Variants in MACC1 observed in about 807,000 individuals in gnomAD.
The protein encoded by MACC1 is MET transcriptional regulator MACC1, also known as metastasis-associated in colon cancer protein 1.
MACC1 carries 79 observed loss-of-function variants against 70.7 expected under a neutral mutation model. That is an observed-to-expected ratio of 1.12 (90% confidence interval 0.93 to 1.35). The LOEUF (loss-of-function observed/expected upper bound fraction) is 1.35, where lower values mean the gene tolerates loss of function less well. Among genes scored for constraint, MACC1 ranks in the 40% most tolerant of loss-of-function variants. MACC1 has a pLI of 0.00. For missense variants in MACC1, 1,106 were observed against 978.1 expected (o/e 1.13, Z -1.74); for synonymous variants, 361 against 347.2 (o/e 1.04, Z -0.44).
chr7:20,217,080 A>C (rs1319564426), intron 1 of MACC1, among the ~76,000 whole-genome samples: 2 of 152,142 alleles, frequency 1.3e-5, no homozygotes, highest in African/African-American at 2.4e-5. Flanking sequence ...CTTTATTCTA[A>C]ACCATGTCTC....
intron 1 of MACC1, among the ~76,000 whole-genome samples, chr7:20,181,542 C>G (rs1285744999): frequency 1.3e-5 from 2 of 152,030 alleles, no homozygotes; most frequent in Admixed American, 1.3e-4. Flanking sequence ...CTATGATTAT[C>G]TCAATGCATT....
chr7:20,188,616 T>A (rs555439685), intron 1 of MACC1, among the ~76,000 whole-genome samples: 2 of 152,216 alleles, frequency 1.3e-5, no homozygotes, highest in South Asian at 4.1e-4. Context: ...ACACACAAAG[T>A]ACTTTCTCCC....
chr7:20,192,938 C>G (rs1782694735), intron 1 of MACC1, among the ~76,000 whole-genome samples: 2 of 152,182 alleles, frequency 1.3e-5, no homozygotes, highest in South Asian at 2.1e-4. Context: ...ACCAAGTGAT[C>G]TTATGGCTCC....
chr7:20,150,792 A>C (rs532508602), intron 6 of MACC1, among the ~76,000 whole-genome samples: 1 of 152,306 alleles, frequency 6.6e-6, no homozygotes, highest in Admixed American at 6.5e-5. Flanking sequence ...CACACCTGTA[A>C]TGCCAGCAAT....
chr7:20,190,850 C>A (rs1782662004), intron 1 of MACC1, among the ~76,000 whole-genome samples: 1 of 152,218 alleles, frequency 6.6e-6, no homozygotes, highest in Non-Finnish European at 1.5e-5. Context: ...AAGTATCACT[C>A]CCAAGAATGT....
At chr7:20,174,422 T>C (rs1171356862) in intron 1 of MACC1, among the ~76,000 whole-genome samples, 2 of 152,188 alleles carry the variant, frequency 1.3e-5, no homozygotes, top group African/African-American at 4.8e-5. Flanking sequence ...CTAAATTTCA[T>C]GGCCCCAGCA....
At chr7:20,202,777 T>G (rs186638365) in intron 1 of MACC1, among the ~76,000 whole-genome samples, 1 of 152,304 alleles carries the variant, frequency 6.6e-6, no homozygotes, top group Admixed American at 6.5e-5. Context: ...AATCGTTAAT[T>G]TTCATCAATT....
intron 1 of MACC1, among the ~76,000 whole-genome samples, chr7:20,210,072 A>C (rs1782973921): frequency 6.6e-6 from 1 of 152,176 alleles, no homozygotes. Flanking sequence ...TTCTTTATAA[A>C]TTACCCAGTC....
intron 1 of MACC1, among the ~76,000 whole-genome samples, chr7:20,171,250 A>C (rs568543879): frequency 3.3e-4 from 38 of 114,870 alleles, no homozygotes; most frequent in South Asian, 1.2e-3. Context: ...AGATTATTTT[A>C]TTTTCTTTTT....
intron 1 of MACC1, 133 bp from the exon 2 acceptor site, chr7:20,170,911 C>T (rs1458044426): frequency 6.6e-6 from 1 of 152,236 alleles, no homozygotes; most frequent in Non-Finnish European, 1.5e-5. Flanking sequence ...AAGAGAGACT[C>T]ATTACACCAC....
Position 20,215,686 on chromosome 7 carries a change from T to C in MACC1, c.-218+1613A>G, listed in dbSNP as rs535384294. Among the ~76,000 whole-genome samples the C allele has an allele frequency of 4.7e-4, 72 of 152,334 alleles. 1 individual carries two copies. The highest frequency in any genetic ancestry group is 1.7e-3 in the African/African-American group (70 of 41,568). ...CTTAATAGACACCTAGGCATATGTG[T>C]GGTCTTTCAAGAAAGAATTCTCTAA... On this transcript the variant is annotated intron_variant, in intron 1 of 6. Transcript: ENST00000400331.
At chr7:20,172,937 G>A (rs1782331969) in intron 1 of MACC1, among the ~76,000 whole-genome samples, 1 of 152,166 alleles carries the variant, frequency 6.6e-6, no homozygotes, top group Non-Finnish European at 1.5e-5. Flanking sequence ...AGCACCACCT[G>A]GTGCCAGGTT....
intron 1 of MACC1, among the ~76,000 whole-genome samples, chr7:20,180,921 T>C (rs1782494548): frequency 6.6e-6 from 1 of 152,142 alleles, no homozygotes; most frequent in Admixed American, 6.6e-5. Context: ...CAAATGTTTA[T>C]GAAATATGTA....
intron 1 of MACC1, among the ~76,000 whole-genome samples, chr7:20,199,878 A>G (rs1782807686): frequency 6.6e-6 from 1 of 152,222 alleles, no homozygotes; most frequent in Non-Finnish European, 1.5e-5. Context: ...TATAAAATGA[A>G]TCAATCAGAA....
At chr7:20,167,122 C>T (rs530204941) in intron 2 of MACC1, among the ~76,000 whole-genome samples, 29 of 152,108 alleles carry the variant, frequency 1.9e-4, no homozygotes, top group Non-Finnish European at 3.2e-4. Flanking sequence ...TGGTATCATG[C>T]ATGGCTTTTC....
At chr7:20,211,626 G>A (rs1782997853) in intron 1 of MACC1, among the ~76,000 whole-genome samples, 1 of 152,148 alleles carries the variant, frequency 6.6e-6, no homozygotes, top group Non-Finnish European at 1.5e-5. Context: ...AGATAAACAA[G>A]TATGTTTAGA....
chr7:20,137,702 CA>C lies in MACC1; in HGVS notation c.*3243del, dbSNP rs1470456850. ...CCTTATTATTTCATTGACTTACTGC[CA>C]AATATTGAAGGCAATTCATGATTAC... is the stretch of plus-strand genomic sequence containing the variant. On this transcript the variant is annotated 3_prime_UTR_variant, in exon 7 of 7. Transcript: ENST00000400331. 4 of 152,138 alleles carry C rather than the reference CA, an allele frequency of 2.6e-5. No individual in the cohort carries two copies. Among genetic ancestry groups the C allele is most frequent in the Non-Finnish European group, 4.4e-5 (3 of 67,998 alleles). The allele number at this position is 152,138 out of a possible 1,614,324, so 9.4% of individuals were successfully genotyped here.
chr7:20,208,268 G>A (rs1782943675), intron 1 of MACC1, among the ~76,000 whole-genome samples: 1 of 152,224 alleles, frequency 6.6e-6, no homozygotes, highest in Non-Finnish European at 1.5e-5. Context: ...ATGTGAAAGT[G>A]ACTTTGAAAC....
chr7:20,200,282 G>C (rs1344535298), intron 1 of MACC1, among the ~76,000 whole-genome samples: 1 of 151,560 alleles, frequency 6.6e-6, no homozygotes, highest in Non-Finnish European at 1.5e-5. Flanking sequence ...AAGATTACTA[G>C]ATTACTAGAA....
Sources: allele counts gnomAD v4.1 joint callset (sites outside exome capture counted in the v4.1 genomes callset), GRCh38; gene constraint gnomAD v4.1.1; transcripts MANE v1.5; gene names NCBI Gene and HGNC (gene_info 2026-07-23, HGNC 2026-07-21).